The following ILRUN variants were observed in gnomAD, a reference collection of about 807,000 sequenced individuals.
ILRUN encodes the protein protein ILRUN.
ILRUN carries 3 observed loss-of-function variants against 33.8 expected under a neutral mutation model. The observed-to-expected ratio is 0.09, with a 90% CI of 0.04 to 0.23. The LOEUF (loss-of-function observed/expected upper bound fraction) is 0.23. Ranked by LOEUF, ILRUN falls within the 10% of genes least tolerant of loss-of-function variation. The pLI, the probability that ILRUN is intolerant of heterozygous loss-of-function variation, is 1.00. For synonymous variants in ILRUN, 124 were observed against 138.9 expected, an observed-to-expected ratio of 0.89 and a Z score of 0.75; for missense variants, 210 against 375.1, an observed-to-expected ratio of 0.56 and a Z score of 3.64.
At chr6:34,612,147 C>T (rs895012423) in intron 3 of ILRUN, among the ~76,000 whole-genome samples, 3 of 152,218 alleles carry the variant, frequency 2.0e-5, no homozygotes, top group Admixed American at 1.3e-4. Context: ...GTCACAGCCA[C>T]TCACATCTGT....
chr6:34,672,108 CCT>C (rs1763129288), intron 1 of ILRUN, among the ~76,000 whole-genome samples: 1 of 151,850 alleles, frequency 6.6e-6, no homozygotes, highest in African/African-American at 2.4e-5. Context: ...GCTTCCACCC[CCT>C]TTTTTTTTTT....
chr6:34,679,508 C>A, intron 1 of ILRUN, among the ~76,000 whole-genome samples: 1 of 151,948 alleles, frequency 6.6e-6, no homozygotes, highest in South Asian at 2.1e-4. Context: ...ATCTAGATAT[C>A]CAACAAAAAG....
chr6:34,688,639 C>T (rs1303461527), intron 1 of ILRUN, among the ~76,000 whole-genome samples: 3 of 152,060 alleles, frequency 2.0e-5, no homozygotes, highest in Non-Finnish European at 4.4e-5. Context: ...ATGGCAAAAC[C>T]CCATCTCTAC....
intron 3 of ILRUN, among the ~76,000 whole-genome samples, chr6:34,614,443 A>AAAATATAT (rs71000073): frequency 0.031 from 4,168 of 133,382 alleles, 119 homozygotes; most frequent in African/African-American, 0.062. Context: ...AAAAAAAAAA[A>AAAATATAT]ATATATATAT....
At chr6:34,621,530 G>A (rs923296684) in intron 3 of ILRUN, among the ~76,000 whole-genome samples, 8 of 152,024 alleles carry the variant, frequency 5.3e-5, no homozygotes, top group African/African-American at 1.9e-4. Context: ...AAATAATTTT[G>A]AAAAAGAAGA....
intron 3 of ILRUN, among the ~76,000 whole-genome samples, chr6:34,639,135 G>A (rs951292317): frequency 3.3e-5 from 5 of 152,178 alleles, no homozygotes; most frequent in African/African-American, 1.2e-4. Flanking sequence ...TTTACATAGA[G>A]CACCCAATAA....
chr6:34,613,459 T>C (rs1761803516), intron 3 of ILRUN, among the ~76,000 whole-genome samples: 4 of 152,168 alleles, frequency 2.6e-5, no homozygotes, highest in Non-Finnish European at 5.9e-5. Context: ...ACATCTACAA[T>C]TTCTCCAGTA....
At position 34,623,723 on chromosome 6, in the gene ILRUN, G is replaced by T. The variant is rs550337648; in HGVS notation, c.512-16819C>A. Among the ~76,000 whole-genome samples, 12 of 152,300 alleles carry T rather than the reference G, an allele frequency of 7.9e-5. No individual in the cohort carries two copies. The South Asian group carries it at 2.5e-3, about 32-fold the overall frequency. On this transcript the variant is annotated intron_variant, in intron 3 of 4. Coordinates refer to ENST00000374023, the MANE Select transcript of ILRUN (RefSeq NM_024294.4). ...GGCATAAAATCATTTTGGCATTAAT[G>T]TTGAAAAGCACTTAAATATAACATT...
At chr6:34,622,532 T>C (rs977562290) in intron 3 of ILRUN, among the ~76,000 whole-genome samples, 11 of 151,368 alleles carry the variant, frequency 7.3e-5, no homozygotes, top group Admixed American at 6.6e-4. Flanking sequence ...TTATGATGGC[T>C]ACTACTAAAA....
At chr6:34,641,174 G>T (rs1454938850) in intron 3 of ILRUN, among the ~76,000 whole-genome samples, 1 of 151,634 alleles carries the variant, frequency 6.6e-6, no homozygotes, top group Non-Finnish European at 1.5e-5. Flanking sequence ...ACAGAAAGAT[G>T]AGGTCCAGAG....
intron 1 of ILRUN, among the ~76,000 whole-genome samples, chr6:34,665,013 G>A (rs1223551547): frequency 6.6e-6 from 1 of 152,132 alleles, no homozygotes; most frequent in Non-Finnish European, 1.5e-5. Context: ...CTGTCACCCA[G>A]GCTGGAGAGT....
At chr6:34,681,463 G>C (rs1463541919) in intron 1 of ILRUN, among the ~76,000 whole-genome samples, 1 of 152,084 alleles carries the variant, frequency 6.6e-6, no homozygotes. Flanking sequence ...AGGTGATTTA[G>C]AAAGAGTTTA....
chr6:34,632,663 C>T (rs1378583378), intron 3 of ILRUN, among the ~76,000 whole-genome samples: 1 of 147,202 alleles, frequency 6.8e-6, no homozygotes, highest in African/African-American at 2.6e-5. Flanking sequence ...CTACAGGCAC[C>T]AACTAACACA....
intron 1 of ILRUN, among the ~76,000 whole-genome samples, chr6:34,664,930 A>G (rs1011676495): frequency 6.6e-6 from 1 of 152,182 alleles, no homozygotes; most frequent in Non-Finnish European, 1.5e-5. Flanking sequence ...CATCCTGGTC[A>G]GAGAGCTGTT....
At chr6:34,677,489 A>G (rs2492859) in intron 1 of ILRUN, among the ~76,000 whole-genome samples, 25,163 of 152,138 alleles carry the variant, frequency 0.17, 2,281 homozygotes, top group African/African-American at 0.22. Flanking sequence ...AAAGTAGGCT[A>G]TAAAGCAGTA....
chr6:34,608,340 G>A (rs1326152826), intron 3 of ILRUN, among the ~76,000 whole-genome samples: 1 of 151,800 alleles, frequency 6.6e-6, no homozygotes, highest in Non-Finnish European at 1.5e-5. Context: ...CCGAGATTGT[G>A]CCACTGCACT....
chr6:34,620,333 A>G (rs1761988229), intron 3 of ILRUN, among the ~76,000 whole-genome samples: 3 of 152,210 alleles, frequency 2.0e-5, no homozygotes, highest in African/African-American at 7.2e-5. Context: ...AATAAGGAGC[A>G]AATTATTAAT....
chr6:34,664,205 C>G (rs1235304426), intron 1 of ILRUN, among the ~76,000 whole-genome samples: 1 of 152,186 alleles, frequency 6.6e-6, no homozygotes. Context: ...GGTAATGTAT[C>G]ACAGCACCAA....
At chr6:34,623,164 GT>G (rs911551945) in intron 3 of ILRUN, among the ~76,000 whole-genome samples, 16 of 152,260 alleles carry the variant, frequency 1.1e-4, no homozygotes, top group African/African-American at 3.6e-4. Flanking sequence ...GTGAATAGTG[GT>G]GATGCCTGTG....
Sources: allele counts gnomAD v4.1 joint callset (sites outside exome capture counted in the v4.1 genomes callset), GRCh38; gene constraint gnomAD v4.1.1; transcripts MANE v1.5; gene names NCBI Gene and HGNC (gene_info 2026-07-23, HGNC 2026-07-21).